Variants in SAMSN1 observed in about 807,000 individuals in gnomAD.
SAMSN1 encodes the protein SAM domain, SH3 domain and nuclear localization signals 1.
In SAMSN1, 31 loss-of-function variants were observed where a neutral mutation model predicts 42.0. The observed-to-expected ratio is 0.74, with a 90% confidence interval of 0.55 to 1.00. The LOEUF is 1.00. SAMSN1 is among the 50% of genes least tolerant of loss of function. SAMSN1 has a pLI of 0.00. For missense variants in SAMSN1, 464 were observed against 439.4 expected, an observed-to-expected ratio of 1.06 and a Z score of -0.50; for synonymous variants, 178 against 151.9, an observed-to-expected ratio of 1.17 and a Z score of -1.26.
chr21:14,567,557 T>C (rs1229533137), intron 2 of SAMSN1, among the ~76,000 whole-genome samples: 2 of 152,136 alleles, frequency 1.3e-5, no homozygotes, highest in African/African-American at 4.8e-5. Flanking sequence ...AGCACAAAAC[T>C]ACCTCTGGGG....
chr21:14,498,698 G>T, intron 6 of SAMSN1, 106 bp from the exon 7 acceptor site: 1 of 824,038 alleles, frequency 1.2e-6, no homozygotes, highest in Non-Finnish European at 1.8e-6. Flanking sequence ...GACCAAAGGT[G>T]CCAATAGAAC....
intron 2 of SAMSN1, among the ~76,000 whole-genome samples, chr21:14,640,451 G>A (rs1983567194): frequency 6.6e-6 from 1 of 151,920 alleles, no homozygotes; most frequent in Non-Finnish European, 1.5e-5. Flanking sequence ...GTATTTCTGA[G>A]GAACCAGTCC....
At position 14,500,559 on chromosome 21, in the gene SAMSN1, C is replaced by T; in HGVS notation, c.738G>A (p.Leu246=). 1 of 1,614,114 alleles carries T rather than the reference C, an allele frequency of 6.2e-7. No individual in the cohort carries two copies. Among genetic ancestry groups the T allele is most frequent in the Non-Finnish European group, 8.5e-7 (1 of 1,179,994 alleles). The change falls in exon 6 of 8, where the codon CTG becomes CTA. Residue 246 remains leucine, a synonymous_variant. Transcript: ENST00000400566. ...GATGAATCCTCTCTAGGAACTCCTG[C>T]AGAGTCTTGGATTTTTTGCTGTTAC... ...RRSNSKKSKT[L]QEFLERIHLQ...
intron 2 of SAMSN1, among the ~76,000 whole-genome samples, chr21:14,581,243 A>G (rs982145134): frequency 6.9e-6 from 1 of 145,980 alleles, no homozygotes; most frequent in African/African-American, 2.5e-5. Flanking sequence ...CCTAGGTTAT[A>G]GGTCTTGGCT....
chr21:14,510,463 T>C lies in SAMSN1; in HGVS notation c.410-2A>G. ...CATCTGAACAGCTTGTTATGCCACC[T>C]GATGAAAGCAGAAGTTCACAGTTGT... On this transcript the variant is annotated splice_acceptor_variant, in intron 4 of 7. Coordinates refer to ENST00000400566, the MANE Select transcript of SAMSN1 (RefSeq NM_022136.5). LOFTEE classifies it high-confidence loss of function. The C allele has an allele frequency of 6.2e-7, 1 of 1,614,140 alleles. No homozygotes were observed. The highest frequency in any genetic ancestry group is 8.5e-7 in the Non-Finnish European group (1 of 1,179,980).
intron 2 of SAMSN1, among the ~76,000 whole-genome samples, chr21:14,621,609 A>T (rs938852306): frequency 3.0e-5 from 1 of 33,664 alleles, no homozygotes; most frequent in African/African-American, 1.1e-4. Flanking sequence ...GCTTGAGTAG[A>T]TAAACAAAGT....
chr21:14,608,329 G>A (rs958671411), intron 5 of SAMSN1, among the ~76,000 whole-genome samples: 5 of 152,168 alleles, frequency 3.3e-5, no homozygotes, highest in African/African-American at 1.2e-4. Context: ...AAGTTATTGT[G>A]GGACTTTGCA....
intron 5 of SAMSN1, among the ~76,000 whole-genome samples, chr21:14,608,212 A>T (rs1392058717): frequency 1.3e-5 from 2 of 152,250 alleles, no homozygotes; most frequent in Non-Finnish European, 2.9e-5. Flanking sequence ...CACTAAAAAA[A>T]GTAGGAAAGG....
At chr21:14,513,747 A>G (rs35382371) in intron 3 of SAMSN1, among the ~76,000 whole-genome samples, 49,107 of 152,066 alleles carry the variant, frequency 0.32, 8,164 homozygotes, top group Non-Finnish European at 0.35. Flanking sequence ...AAGAAGATGT[A>G]ACTTATGTGA....
intron 2 of SAMSN1, among the ~76,000 whole-genome samples, chr21:14,566,545 AT>A (rs909934831): frequency 1.9e-4 from 29 of 150,714 alleles, no homozygotes; most frequent in Admixed American, 1.3e-3. Flanking sequence ...TATATATAAA[AT>A]TTTTTTTTTG....
chr21:14,507,748 CTT>C (rs1987479234), intron 5 of SAMSN1, among the ~76,000 whole-genome samples: 1 of 151,698 alleles, frequency 6.6e-6, no homozygotes, highest in Non-Finnish European at 1.5e-5. Flanking sequence ...CCAAAGCAAA[CTT>C]GAGCAAAAAG....
chr21:14,517,423 T>C (rs1987966666), intron 2 of SAMSN1, among the ~76,000 whole-genome samples: 1 of 152,236 alleles, frequency 6.6e-6, no homozygotes, highest in Non-Finnish European at 1.5e-5. Flanking sequence ...AAATATTTTA[T>C]TGGAAGCTTT....
chr21:14,569,992 C>G (rs541484154), intron 2 of SAMSN1, among the ~76,000 whole-genome samples: 15 of 151,916 alleles, frequency 9.9e-5, no homozygotes, highest in South Asian at 2.1e-4. Context: ...TTTCCCCCCC[C>G]CCAGTTTTTC....
chr21:14,595,928 A>T (rs1019945832), intron 6 of SAMSN1, among the ~76,000 whole-genome samples: 1 of 152,174 alleles, frequency 6.6e-6, no homozygotes, highest in African/African-American at 2.4e-5. Context: ...ATTCCTTTTT[A>T]AAAATGCATG....
At chr21:14,658,639 A>G in intron 1 of SAMSN1, 1 of 646,868 alleles carries the variant, frequency 1.5e-6, no homozygotes. Flanking sequence ...TGAGATGCTA[A>G]GTGTATGAAT....
intron 2 of SAMSN1, among the ~76,000 whole-genome samples, chr21:14,572,820 T>C (rs1981342244): frequency 1.3e-5 from 2 of 152,146 alleles, no homozygotes; most frequent in Admixed American, 1.3e-4. Flanking sequence ...AAAGGTAAGT[T>C]ACTAGCCTAG....
chr21:14,519,749 C>T (rs1292706851), intron 2 of SAMSN1, among the ~76,000 whole-genome samples: 2 of 151,856 alleles, frequency 1.3e-5, no homozygotes, highest in African/African-American at 4.8e-5. Context: ...ATCTAAAAAC[C>T]TATTGATCTA....
intron 1 of SAMSN1, among the ~76,000 whole-genome samples, chr21:14,649,942 A>G (rs917715978): frequency 6.6e-6 from 1 of 152,202 alleles, no homozygotes; most frequent in Non-Finnish European, 1.5e-5. Context: ...AGAAGAGACA[A>G]AGAAGGTCAC....
At chr21:14,516,830 T>C in intron 3 of SAMSN1, 62 bp downstream of exon 3, 1 of 1,384,906 alleles carries the variant, frequency 7.2e-7, no homozygotes, top group South Asian at 1.3e-5. Flanking sequence ...TTCTATAGTC[T>C]AGCTGAATAG....
Sources: allele counts gnomAD v4.1 joint callset (sites outside exome capture counted in the v4.1 genomes callset), GRCh38; gene constraint gnomAD v4.1.1; transcripts MANE v1.5; gene names NCBI Gene and HGNC (gene_info 2026-07-23, HGNC 2026-07-21).